The following MCC variants were observed in gnomAD, a reference collection of about 807,000 sequenced individuals.
MCC encodes colorectal mutant cancer protein.
A neutral mutation model predicts 116.2 loss-of-function variants in MCC; 90 were observed. The observed-to-expected ratio is 0.77, with a 90% CI of 0.65 to 0.92. MCC has a LOEUF of 0.92. Ranked by LOEUF, MCC falls within the 40% of genes least tolerant of loss-of-function variation. MCC has a pLI of 0.00. For missense variants in MCC, 1,516 were observed against 1,312.2 expected (o/e 1.16, Z -2.40); for synonymous variants, 578 against 510.5 (o/e 1.13, Z -1.78).
chr5:113,425,448 A>G (rs1277660801), intron 1 of MCC, among the ~76,000 whole-genome samples: 1 of 152,206 alleles, frequency 6.6e-6, no homozygotes, highest in African/African-American at 2.4e-5. Context: ...TTGGGTGCAT[A>G]TAACCAATTA....
chr5:113,174,086 T>C (rs868421897), intron 3 of MCC, among the ~76,000 whole-genome samples: 6 of 152,204 alleles, frequency 3.9e-5, no homozygotes, highest in Admixed American at 3.3e-4. Context: ...GAATGAGGTA[T>C]ATCACTGCCA....
At chr5:113,170,951 C>T (rs946308651) in intron 3 of MCC, among the ~76,000 whole-genome samples, 1 of 152,104 alleles carries the variant, frequency 6.6e-6, no homozygotes, top group Non-Finnish European at 1.5e-5. Context: ...GCATCCAGAA[C>T]TGAGACTCTG....
intron 1 of MCC, among the ~76,000 whole-genome samples, chr5:113,417,079 C>T (rs1770172077): frequency 6.6e-6 from 1 of 151,764 alleles, no homozygotes; most frequent in South Asian, 2.1e-4. Context: ...AAGTGATTCC[C>T]CTGCCTCAGC....
At chr5:113,213,685 C>T (rs144776924) in intron 3 of MCC, among the ~76,000 whole-genome samples, 1 of 152,254 alleles carries the variant, frequency 6.6e-6, no homozygotes, top group Non-Finnish European at 1.5e-5. Context: ...GTGGTGGGCA[C>T]AGTAGCTCTA....
chr5:113,250,037 G>GA (rs567994605), intron 3 of MCC, among the ~76,000 whole-genome samples: 1 of 151,914 alleles, frequency 6.6e-6, no homozygotes, highest in Non-Finnish European at 1.5e-5. Context: ...CATCTGAAAG[G>GA]AAAAAAAACT....
At chr5:113,378,492 T>C (rs1226707263) in intron 2 of MCC, among the ~76,000 whole-genome samples, 1 of 152,210 alleles carries the variant, frequency 6.6e-6, no homozygotes, top group African/African-American at 2.4e-5. Context: ...ATTGTACTAA[T>C]TAGCAGGTTG....
chr5:113,243,053 G>T (rs1391088726), intron 3 of MCC, among the ~76,000 whole-genome samples: 2 of 152,132 alleles, frequency 1.3e-5, no homozygotes, highest in African/African-American at 4.8e-5. Flanking sequence ...CCAATGTAGT[G>T]GTCTAATGAA....
chr5:113,080,995 A>G (rs1185463851), intron 11 of MCC, among the ~76,000 whole-genome samples: 1 of 152,126 alleles, frequency 6.6e-6, no homozygotes, highest in East Asian at 1.9e-4. Flanking sequence ...TTTGCTTTGC[A>G]TGCCACATAG....
At chr5:113,376,608 T>C (rs11959652) in intron 2 of MCC, among the ~76,000 whole-genome samples, 28,768 of 123,344 alleles carry the variant, frequency 0.23, 3,000 homozygotes, top group African/African-American at 0.33. Flanking sequence ...CACACACACA[T>C]ATCAGTATTA....
intron 1 of MCC, among the ~76,000 whole-genome samples, chr5:113,429,393 G>C (rs115064756): frequency 6.6e-6 from 1 of 152,034 alleles, no homozygotes; most frequent in African/African-American, 2.4e-5. Flanking sequence ...TCTTAATCTT[G>C]GATCTCCTAG....
chr5:113,191,747 G>T (rs1762160770), intron 3 of MCC, among the ~76,000 whole-genome samples: 1 of 152,184 alleles, frequency 6.6e-6, no homozygotes, highest in Non-Finnish European at 1.5e-5. Context: ...TGACGCAATT[G>T]ATTATAGAAC....
intron 6 of MCC, among the ~76,000 whole-genome samples, chr5:113,118,952 C>T (rs941041185): frequency 7.9e-5 from 12 of 152,192 alleles, no homozygotes; most frequent in Admixed American, 6.5e-5. Flanking sequence ...TTCCCAGATT[C>T]CTGCTCGGCT....
At chr5:113,203,970 G>A (rs1165705146) in intron 3 of MCC, among the ~76,000 whole-genome samples, 3 of 152,136 alleles carry the variant, frequency 2.0e-5, no homozygotes, top group Admixed American at 6.5e-5. Context: ...GAGAGATGCC[G>A]GACGCCAAAC....
chr5:113,178,175 C>T (rs1011133013), intron 3 of MCC, among the ~76,000 whole-genome samples: 1 of 152,098 alleles, frequency 6.6e-6, no homozygotes, highest in Non-Finnish European at 1.5e-5. Context: ...CTGAATGACA[C>T]GGGAGGAGCA....
At chr5:113,399,533 C>T (rs1769624054) in intron 1 of MCC, among the ~76,000 whole-genome samples, 1 of 151,984 alleles carries the variant, frequency 6.6e-6, no homozygotes, top group Non-Finnish European at 1.5e-5. Context: ...AGGTTATTTA[C>T]TAAGTTATTA....
intron 3 of MCC, among the ~76,000 whole-genome samples, chr5:113,204,955 C>T (rs1047632943): frequency 4.6e-5 from 7 of 152,288 alleles, no homozygotes; most frequent in Non-Finnish European, 1.0e-4. Context: ...GTAACTCCCC[C>T]GTATTCAACA....
At chr5:113,159,566 C>T (rs769668806) in intron 3 of MCC, among the ~76,000 whole-genome samples, 2 of 152,162 alleles carry the variant, frequency 1.3e-5, no homozygotes, top group East Asian at 1.9e-4. Flanking sequence ...TCCAAGAGCT[C>T]GTGGGTAGTC....
At chr5:113,440,872 C>G (rs1308441487) in intron 1 of MCC, among the ~76,000 whole-genome samples, 2 of 152,144 alleles carry the variant, frequency 1.3e-5, no homozygotes, top group African/African-American at 2.4e-5. Flanking sequence ...AAAGATCCAC[C>G]TGACTTTTTA....
At chr5:113,426,280 C>G (rs1029377928) in intron 1 of MCC, among the ~76,000 whole-genome samples, 1 of 152,060 alleles carries the variant, frequency 6.6e-6, no homozygotes, top group African/African-American at 2.4e-5. Context: ...ACAAGGGAAG[C>G]AAAACTAGAA....
Sources: gnomAD v4.1 joint callset for allele counts (sites outside exome capture counted in the v4.1 genomes callset) on GRCh38, gnomAD v4.1.1 for gene constraint, MANE v1.5 for transcripts, NCBI Gene and HGNC (gene_info 2026-07-23, HGNC 2026-07-21) for gene names.